Variants in GFRA2 observed in about 807,000 individuals in gnomAD.
GFRA2 encodes GDNF family receptor alpha 2.
Under a neutral mutation model 48.3 loss-of-function variants are expected in GFRA2, and 17 were observed. The observed-to-expected ratio is 0.35, with a 90% CI of 0.24 to 0.53. The LOEUF is 0.53. GFRA2 is among the 20% of genes least tolerant of loss of function. The probability of loss-of-function intolerance (pLI) is 0.93; values close to 1 mark genes in which losing one functional copy is unlikely to be tolerated. For synonymous variants in GFRA2, 305 were observed against 257.2 expected, an observed-to-expected ratio of 1.19 and a Z score of -1.78; for missense variants, 660 against 637.3, an observed-to-expected ratio of 1.04 and a Z score of -0.38.
chr8:21,735,997 C>A (rs1013894926), intron 4 of GFRA2, among the ~76,000 whole-genome samples: 4 of 152,366 alleles, frequency 2.6e-5, no homozygotes, highest in African/African-American at 9.6e-5. Context: ...CAGAAACACT[C>A]CCCACCTGCT....
chr8:21,769,858 T>G (rs35444769), intron 3 of GFRA2, among the ~76,000 whole-genome samples: 56,796 of 151,936 alleles, frequency 0.37, 10,872 homozygotes, highest in African/African-American at 0.44. Context: ...TTGAGTGCTA[T>G]TTCCCTCCTC....
intron 4 of GFRA2, among the ~76,000 whole-genome samples, chr8:21,728,625 T>C (rs920993382): frequency 6.6e-6 from 1 of 152,166 alleles, no homozygotes; most frequent in African/African-American, 2.4e-5. Flanking sequence ...GTGGCGTCCA[T>C]GGACCACATC....
In GFRA2 at chr8:21,788,777, C is replaced by G; in HGVS notation, c.-618G>C. ...CGGCTCACTTTTTTCTAATGGAATT[C>G]CAGTGACCGTGTGTCTCTGCGTGCG... On this transcript the variant is annotated 5_prime_UTR_variant, in exon 1 of 9. Coordinates refer to ENST00000524240, the MANE Select transcript of GFRA2 (RefSeq NM_001495.5). 1 of 985,290 alleles carries G rather than the reference C, an allele frequency of 1.0e-6. No homozygotes were observed. Among genetic ancestry groups the G allele is most frequent in the Non-Finnish European group, 1.2e-6 (1 of 829,960 alleles). The allele number at this position is 985,290 out of a possible 1,614,324, so 61.0% of individuals were successfully genotyped here.
At chr8:21,704,126 T>C (rs546114801) in intron 6 of GFRA2, among the ~76,000 whole-genome samples, 2 of 152,332 alleles carry the variant, frequency 1.3e-5, no homozygotes, top group Non-Finnish European at 2.9e-5. Context: ...TGATTGGCAG[T>C]TCCCTCCACC....
chr8:21,706,491 T>C, intron 4 of GFRA2: 1 of 456,302 alleles, frequency 2.2e-6, no homozygotes, highest in Non-Finnish European at 4.4e-6. Flanking sequence ...AGGTGACTAG[T>C]CCCTTCCCTA....
intron 5 of GFRA2, 61 bp from the exon 6 acceptor site, chr8:21,705,186 C>T (rs1802681039): frequency 1.1e-5 from 17 of 1,535,438 alleles, no homozygotes; most frequent in Non-Finnish European, 1.2e-5. Flanking sequence ...CCCTTGGGCC[C>T]ACAGACCAAC....
intron 4 of GFRA2, among the ~76,000 whole-genome samples, chr8:21,713,045 G>A (rs953933209): frequency 1.3e-5 from 2 of 149,752 alleles, no homozygotes; most frequent in African/African-American, 2.5e-5. Flanking sequence ...ACGAGGGAGA[G>A]GGAGAGGGAG....
chr8:21,721,897 T>A (rs1029138256), intron 4 of GFRA2, among the ~76,000 whole-genome samples: 3 of 152,132 alleles, frequency 2.0e-5, no homozygotes, highest in Admixed American at 6.5e-5. Context: ...TCAGGGGGCA[T>A]TGGGCCCTCC....
chr8:21,792,901 C>CA (rs1470653376), upstream of GFRA2, among the ~76,000 whole-genome samples: 9 of 150,736 alleles, frequency 6.0e-5, no homozygotes, highest in Non-Finnish European at 1.2e-4. Flanking sequence ...CCCGTTTCTG[C>CA]AAAAAATACA....
intron 4 of GFRA2, among the ~76,000 whole-genome samples, chr8:21,731,379 A>C (rs1322012186): frequency 2.0e-5 from 3 of 152,162 alleles, no homozygotes; most frequent in Non-Finnish European, 2.9e-5. Context: ...AAACAGAGGA[A>C]TCTTGGGAGG....
chr8:21,737,380 G>A (rs553655558), intron 4 of GFRA2, among the ~76,000 whole-genome samples: 14 of 148,656 alleles, frequency 9.4e-5, no homozygotes, highest in Non-Finnish European at 1.8e-4. Flanking sequence ...AAAAAAAAAA[G>A]GGGTGGTGTG....
intron 2 of GFRA2, among the ~76,000 whole-genome samples, chr8:21,800,028 C>G (rs1807743775): frequency 6.6e-6 from 1 of 152,224 alleles, no homozygotes; most frequent in Admixed American, 6.5e-5. Flanking sequence ...AGCTTCTAAC[C>G]TCACCTTCCA....
At chr8:21,713,255 G>GA (rs1305190726) in intron 4 of GFRA2, among the ~76,000 whole-genome samples, 1 of 151,848 alleles carries the variant, frequency 6.6e-6, no homozygotes, top group Non-Finnish European at 1.5e-5. Context: ...GCAGTGGCTC[G>GA]ATCTCGGCTC....
intron 1 of GFRA2, among the ~76,000 whole-genome samples, chr8:21,785,485 G>A (rs1478755369): frequency 6.6e-6 from 1 of 152,226 alleles, no homozygotes; most frequent in African/African-American, 2.4e-5. Flanking sequence ...GGCAGGGGGT[G>A]TCCTGGTGAT....
At chr8:21,735,498 G>T (rs1804411104) in intron 4 of GFRA2, among the ~76,000 whole-genome samples, 2 of 152,106 alleles carry the variant, frequency 1.3e-5, no homozygotes, top group South Asian at 4.1e-4. Context: ...AGGCAAGGTG[G>T]TCCAGAGCAC....
chr8:21,785,220 C>T (rs959090388), intron 1 of GFRA2, among the ~76,000 whole-genome samples: 93 of 152,298 alleles, frequency 6.1e-4, no homozygotes, highest in African/African-American at 2.2e-3. Flanking sequence ...ACAGTTGGGC[C>T]TAGAGCCCCA....
chr8:21,721,485 G>A (rs745735719), intron 4 of GFRA2, among the ~76,000 whole-genome samples: 3 of 152,142 alleles, frequency 2.0e-5, no homozygotes, highest in Non-Finnish European at 4.4e-5. Flanking sequence ...TCTCAAACAC[G>A]CAGAAGGGCA....
chr8:21,746,751 T>C (rs183158132), intron 4 of GFRA2, among the ~76,000 whole-genome samples: 25 of 151,124 alleles, frequency 1.7e-4, no homozygotes, highest in African/African-American at 5.4e-4. Context: ...GTGAAGTGTA[T>C]CACTTGATTC....
At chr8:21,732,161 A>G (rs1424891333) in intron 4 of GFRA2, among the ~76,000 whole-genome samples, 1 of 152,258 alleles carries the variant, frequency 6.6e-6, no homozygotes, top group Non-Finnish European at 1.5e-5. Context: ...ACATTCCTAG[A>G]GACACAGCAG....
Sources: allele counts gnomAD v4.1 joint callset (sites outside exome capture counted in the v4.1 genomes callset), GRCh38; gene constraint gnomAD v4.1.1; transcripts MANE v1.5; gene names NCBI Gene and HGNC (gene_info 2026-07-23, HGNC 2026-07-21).